HRH1: variants seen among roughly 807,000 people sequenced by gnomAD.
HRH1 encodes histamine receptor H1.
HRH1 carries 6 observed loss-of-function variants against 10.3 expected under a neutral mutation model. That is an observed-to-expected ratio of 0.58 (90% confidence interval 0.32 to 1.15). HRH1 has a LOEUF of 1.15. Ranked by LOEUF, HRH1 falls within the 50% of genes most tolerant of loss-of-function variation. The pLI, the probability that HRH1 is intolerant of heterozygous loss-of-function variation, is 0.05. For synonymous variants in HRH1, 242 were observed against 236.7 expected (o/e 1.02, Z -0.21); for missense variants, 514 against 615.3 (o/e 0.84, Z 1.74).
chr3:11,222,631 C>T (rs908251336), intron 1 of HRH1, among the ~76,000 whole-genome samples: 2 of 151,958 alleles, frequency 1.3e-5, no homozygotes, highest in African/African-American at 2.4e-5. Context: ...GGCAGGCTGA[C>T]GGGAAAGTAC....
chr3:11,247,347 G>A (rs1485400783), intron 1 of HRH1, among the ~76,000 whole-genome samples: 1 of 152,140 alleles, frequency 6.6e-6, no homozygotes, highest in African/African-American at 2.4e-5. Context: ...GCAGGAGGAT[G>A]CAGCTTGCAC....
intron 1 of HRH1, among the ~76,000 whole-genome samples, chr3:11,250,208 A>ATTTTTTTTTTTTTTT (rs71055857): frequency 8.4e-5 from 9 of 106,890 alleles, no homozygotes; most frequent in African/African-American, 1.5e-4. Flanking sequence ...CACCCGGCTA[A>ATTTTTTTTTTTTTTT]TTTTTTTTTT....
chr3:11,249,660 A>G (rs879790059), intron 1 of HRH1, among the ~76,000 whole-genome samples: 13 of 152,186 alleles, frequency 8.5e-5, no homozygotes, highest in Non-Finnish European at 1.8e-4. Flanking sequence ...GTATGGTTTC[A>G]GGAATATACA....
At chr3:11,216,133 T>G (rs924609468) in intron 1 of HRH1, among the ~76,000 whole-genome samples, 4 of 152,008 alleles carry the variant, frequency 2.6e-5, no homozygotes, top group Non-Finnish European at 4.4e-5. Flanking sequence ...CCCTGAATGG[T>G]GAGTGGTGGA....
chr3:11,140,871 G>T (rs1193730371), intron 1 of HRH1, among the ~76,000 whole-genome samples: 1 of 152,172 alleles, frequency 6.6e-6, no homozygotes, highest in Non-Finnish European at 1.5e-5. Context: ...AAGATGGGTT[G>T]TTGCTTTTCA....
chr3:11,207,287 G>A (rs143051774), intron 1 of HRH1, among the ~76,000 whole-genome samples: 1 of 152,172 alleles, frequency 6.6e-6, no homozygotes, highest in East Asian at 1.9e-4. Flanking sequence ...GACCTGGGCT[G>A]GGCACGGTGT....
chr3:11,166,096 C>A (rs1937024760), intron 1 of HRH1, among the ~76,000 whole-genome samples: 1 of 152,180 alleles, frequency 6.6e-6, no homozygotes, highest in Non-Finnish European at 1.5e-5. Flanking sequence ...AGCCCTTCCC[C>A]AGACACATCT....
chr3:11,199,571 A>C (rs1937820119), intron 1 of HRH1, among the ~76,000 whole-genome samples: 1 of 152,120 alleles, frequency 6.6e-6, no homozygotes, highest in Admixed American at 6.5e-5. Context: ...TCCCTGCTGC[A>C]ACACCTGTCC....
intron 1 of HRH1, among the ~76,000 whole-genome samples, chr3:11,215,784 T>C (rs1238972785): frequency 6.6e-6 from 1 of 152,236 alleles, no homozygotes; most frequent in Non-Finnish European, 1.5e-5. Context: ...GGACTTTGAC[T>C]AATTCAGTGA....
At chr3:11,232,027 C>T (rs1939056661) in intron 1 of HRH1, among the ~76,000 whole-genome samples, 1 of 149,156 alleles carries the variant, frequency 6.7e-6, no homozygotes, top group Non-Finnish European at 1.5e-5. Flanking sequence ...GAGTCTCGCT[C>T]TGTCACCAGG....
intron 1 of HRH1, among the ~76,000 whole-genome samples, chr3:11,168,996 A>C (rs1293024390): frequency 6.6e-6 from 1 of 152,174 alleles, no homozygotes; most frequent in Admixed American, 6.5e-5. Flanking sequence ...AGGGATTCAC[A>C]CACAGGCCTG....
At chr3:11,237,766 C>T (rs967238679) in intron 1 of HRH1, among the ~76,000 whole-genome samples, 25 of 138,318 alleles carry the variant, frequency 1.8e-4, no homozygotes, top group Admixed American at 4.0e-4. Context: ...ACCTCTACCT[C>T]CCAGGTTCAA....
At chr3:11,207,337 G>T (rs187282398) in intron 1 of HRH1, among the ~76,000 whole-genome samples, 1 of 152,204 alleles carries the variant, frequency 6.6e-6, no homozygotes, top group Non-Finnish European at 1.5e-5. Context: ...GGCCAAGGCG[G>T]GTGGATCACG....
intron 1 of HRH1, among the ~76,000 whole-genome samples, chr3:11,140,094 G>C (rs1358248961): frequency 6.6e-6 from 1 of 152,168 alleles, no homozygotes; most frequent in African/African-American, 2.4e-5. Flanking sequence ...GGGCCGTCCG[G>C]ATTTCAGTCC....
intron 1 of HRH1, among the ~76,000 whole-genome samples, chr3:11,251,996 G>A (rs999987166): frequency 2.0e-5 from 3 of 152,214 alleles, no homozygotes; most frequent in African/African-American, 4.8e-5. Flanking sequence ...CCAAGGCTAC[G>A]CCCTTGTTTA....
chr3:11,171,899 A>T (rs1421506615), intron 1 of HRH1, among the ~76,000 whole-genome samples: 2 of 152,184 alleles, frequency 1.3e-5, no homozygotes, highest in Admixed American at 1.3e-4. Context: ...TAAGGGGAAA[A>T]CTTCTTTCTG....
intron 1 of HRH1, among the ~76,000 whole-genome samples, chr3:11,212,840 ACC>A (rs869234640): frequency 7.4e-6 from 1 of 135,196 alleles, no homozygotes; most frequent in Non-Finnish European, 1.7e-5. Flanking sequence ...CCGTGATCTA[ACC>A]CCTGTCACCT....
intron 1 of HRH1, among the ~76,000 whole-genome samples, chr3:11,161,520 G>C (rs1271567282): frequency 6.6e-6 from 1 of 152,154 alleles, no homozygotes; most frequent in Non-Finnish European, 1.5e-5. Context: ...GGCTCATATG[G>C]GAAGCCTGGT....
intron 1 of HRH1, among the ~76,000 whole-genome samples, chr3:11,233,891 A>G (rs564164189): frequency 6.6e-6 from 1 of 152,352 alleles, no homozygotes; most frequent in South Asian, 2.1e-4. Context: ...AATATCTACT[A>G]AAAGGAATAT....
Sources: allele counts gnomAD v4.1 joint callset (sites outside exome capture counted in the v4.1 genomes callset), GRCh38; gene constraint gnomAD v4.1.1; transcripts MANE v1.5; gene names NCBI Gene and HGNC (gene_info 2026-07-23, HGNC 2026-07-21).